Variants in SNX29 observed in about 807,000 individuals in gnomAD.
SNX29 encodes the protein sorting nexin-29.
A neutral mutation model predicts 102.1 loss-of-function variants in SNX29; 78 were observed. That is an observed-to-expected ratio of 0.76 (90% CI 0.64 to 0.92). SNX29 has a LOEUF of 0.92. Ranked by LOEUF, SNX29 falls within the 40% of genes least tolerant of loss-of-function variation. The pLI is 0.00. For synonymous variants in SNX29, 580 were observed against 414.5 expected, an observed-to-expected ratio of 1.40 and a Z score of -4.85; for missense variants, 1,280 against 1,061.7, an observed-to-expected ratio of 1.21 and a Z score of -2.86.
At chr16:12,539,765 G>C (rs1019293700) in intron 20 of SNX29, among the ~76,000 whole-genome samples, 1 of 152,170 alleles carries the variant, frequency 6.6e-6, no homozygotes. Flanking sequence ...GTCTTAATTT[G>C]CATTTTCCTA....
chr16:12,259,358 G>T (rs570728963), intron 14 of SNX29, among the ~76,000 whole-genome samples: 22 of 152,304 alleles, frequency 1.4e-4, no homozygotes, highest in African/African-American at 5.3e-4. Context: ...CATTGGCTGT[G>T]CTGGCTTGGT....
chr16:12,007,574 T>C (rs76355559), intron 3 of SNX29, among the ~76,000 whole-genome samples: 1,956 of 152,186 alleles, frequency 0.013, 29 homozygotes, highest in African/African-American at 0.044. Context: ...AAAAATAACT[T>C]AGGACTGACA....
At chr16:12,392,393 A>G (rs2151473093) in intron 16 of SNX29, among the ~76,000 whole-genome samples, 1 of 152,174 alleles carries the variant, frequency 6.6e-6, no homozygotes, top group East Asian at 1.9e-4. Flanking sequence ...TTAGTGAAGT[A>G]GTAAGTTCGA....
chr16:12,227,272 G>A (rs2077639879), intron 14 of SNX29, among the ~76,000 whole-genome samples: 1 of 152,200 alleles, frequency 6.6e-6, no homozygotes, highest in South Asian at 2.1e-4. Context: ...GCCCTGTTTA[G>A]CGCATTTCTC....
At chr16:12,118,411 C>A (rs189476376) in intron 11 of SNX29, among the ~76,000 whole-genome samples, 216 of 147,282 alleles carry the variant, frequency 1.5e-3, no homozygotes, top group Middle Eastern at 3.6e-3. Context: ...ACCTCCGTCT[C>A]CTGGGTTCAA....
At chr16:12,437,857 C>T (rs1412214831) in intron 18 of SNX29, among the ~76,000 whole-genome samples, 1 of 152,170 alleles carries the variant, frequency 6.6e-6, no homozygotes, top group Non-Finnish European at 1.5e-5. Context: ...GGGTGCCCTT[C>T]CCCCCAGCCC....
chr16:12,203,966 C>T (rs760471674), intron 14 of SNX29, among the ~76,000 whole-genome samples: 3 of 152,182 alleles, frequency 2.0e-5, no homozygotes, highest in Non-Finnish European at 4.4e-5. Context: ...CCTGTGATGT[C>T]GGTGGCTTCA....
intron 18 of SNX29, among the ~76,000 whole-genome samples, chr16:12,432,175 T>A (rs1232778676): frequency 6.6e-6 from 1 of 152,202 alleles, no homozygotes; most frequent in Non-Finnish European, 1.5e-5. Context: ...CTTCATTGAT[T>A]GGGGCAGGAA....
At chr16:12,456,649 T>C (rs2086552877) in intron 18 of SNX29, among the ~76,000 whole-genome samples, 1 of 152,044 alleles carries the variant, frequency 6.6e-6, no homozygotes, top group African/African-American at 2.4e-5. Context: ...CATGTGTGCC[T>C]GAAGGGATAC....
At chr16:12,513,956 C>T (rs1366241939) in intron 19 of SNX29, among the ~76,000 whole-genome samples, 2 of 152,188 alleles carry the variant, frequency 1.3e-5, no homozygotes, top group Non-Finnish European at 2.9e-5. Flanking sequence ...GTGGGCTCCC[C>T]AGAAACAACT....
chr16:12,401,662 C>T (rs925726996), intron 17 of SNX29, among the ~76,000 whole-genome samples: 6 of 152,138 alleles, frequency 3.9e-5, no homozygotes, highest in African/African-American at 1.4e-4. Flanking sequence ...CTGCACCCAG[C>T]CCACAACAGA....
At chr16:12,498,362 C>CA (rs2088935035) in intron 19 of SNX29, among the ~76,000 whole-genome samples, 1 of 151,590 alleles carries the variant, frequency 6.6e-6, no homozygotes, top group Admixed American at 6.6e-5. Flanking sequence ...ATCCTGAAAG[C>CA]AAAAAAAGTG....
chr16:12,065,777 T>G (rs1466858218), intron 9 of SNX29, among the ~76,000 whole-genome samples: 1 of 152,182 alleles, frequency 6.6e-6, no homozygotes, highest in Admixed American at 6.5e-5. Context: ...TTATTCAGTC[T>G]TCCCACTGGA....
At chr16:12,003,306 C>T (rs148876303) in intron 3 of SNX29, among the ~76,000 whole-genome samples, 2,372 of 152,246 alleles carry the variant, frequency 0.016, 22 homozygotes, top group Middle Eastern at 0.051. Context: ...ATTCGAGATA[C>T]CTTTCCATAT....
At chr16:12,284,163 T>C (rs567167940) in intron 15 of SNX29, among the ~76,000 whole-genome samples, 2 of 152,390 alleles carry the variant, frequency 1.3e-5, no homozygotes, top group Admixed American at 6.5e-5. Flanking sequence ...ATTCGGACTT[T>C]GGGCCTGCAT....
chr16:12,379,071 G>C (rs1173069219), intron 16 of SNX29, among the ~76,000 whole-genome samples: 1 of 152,178 alleles, frequency 6.6e-6, no homozygotes, highest in Non-Finnish European at 1.5e-5. Flanking sequence ...GAGTGGAGGT[G>C]GGGGCAGCAG....
At chr16:12,554,185 G>A (rs1027692513) in intron 20 of SNX29, among the ~76,000 whole-genome samples, 1 of 152,176 alleles carries the variant, frequency 6.6e-6, no homozygotes, top group Non-Finnish European at 1.5e-5. Context: ...ATAAGTTCTG[G>A]CTTAAACCAT....
intron 13 of SNX29, among the ~76,000 whole-genome samples, chr16:12,133,445 A>G (rs1478183037): frequency 1.3e-5 from 2 of 151,802 alleles, no homozygotes; most frequent in African/African-American, 2.4e-5. Flanking sequence ...ATGCACCACC[A>G]TAGCCAGCTA....
chr16:12,181,697 C>CTGT (rs1266651381), intron 13 of SNX29, among the ~76,000 whole-genome samples: 1 of 79,932 alleles, frequency 1.3e-5, no homozygotes, highest in East Asian at 4.7e-4. Flanking sequence ...TTTGGGAGGT[C>CTGT]TGTTGGTGAT....
Sources: gnomAD v4.1 joint callset for allele counts (sites outside exome capture counted in the v4.1 genomes callset) on GRCh38, gnomAD v4.1.1 for gene constraint, MANE v1.5 for transcripts, NCBI Gene and HGNC (gene_info 2026-07-23, HGNC 2026-07-21) for gene names.